The following AKT3 variants were observed in gnomAD, a reference collection of about 807,000 sequenced individuals.
The protein encoded by AKT3 is AKT serine/threonine kinase 3.
Under a neutral mutation model 65.3 loss-of-function variants are expected in AKT3, and 15 were observed. That is an observed-to-expected ratio of 0.23 (90% CI 0.15 to 0.35). The LOEUF is 0.35. Among genes scored for constraint, AKT3 ranks in the 10% least tolerant of loss-of-function variants. The probability of loss-of-function intolerance (pLI) is 1.00; values close to 1 mark genes in which losing one functional copy is unlikely to be tolerated. For missense variants in AKT3, 243 were observed against 576.5 expected, an observed-to-expected ratio of 0.42 and a Z score of 5.92; for synonymous variants, 206 against 183.8, an observed-to-expected ratio of 1.12 and a Z score of -0.98.
intron 12 of AKT3, among the ~76,000 whole-genome samples, chr1:243,521,995 T>C (rs1670746420): frequency 6.6e-6 from 1 of 152,204 alleles, no homozygotes. Flanking sequence ...TATTTGAAGA[T>C]CTCAGTTATA....
chr1:243,685,448 T>C (rs1684221789), intron 3 of AKT3, among the ~76,000 whole-genome samples: 1 of 152,144 alleles, frequency 6.6e-6, no homozygotes, highest in African/African-American at 2.4e-5. Flanking sequence ...CCTTTCCCCA[T>C]TGCTTGTTTT....
rs770364384 is a variant in AKT3 at position 243,766,571 on chromosome 1, G to A, written c.47-70855C>T. Among the ~76,000 whole-genome samples the A allele has an allele frequency of 2.0e-5, 3 of 152,086 alleles. 1 individual carries two copies. The highest frequency in any genetic ancestry group is 7.2e-5 in the African/African-American group (3 of 41,402). On this transcript the variant is annotated intron_variant, in intron 2 of 13. Coordinates refer to ENST00000673466, the MANE Select transcript of AKT3 (RefSeq NM_005465.7). Reference sequence around the variant, plus strand: ...AACATTACAATGTCTCATGTTCTATGGCACAAACATAAACAACCCCCAATC... The same window carrying A: ...AACATTACAATGTCTCATGTTCTATAGCACAAACATAAACAACCCCCAATC...
chr1:243,805,925 A>G (rs759154516), intron 2 of AKT3, among the ~76,000 whole-genome samples: 8 of 152,154 alleles, frequency 5.3e-5, no homozygotes, highest in Non-Finnish European at 1.0e-4. Flanking sequence ...ACACATACAA[A>G]AGGGTGAATA....
At chr1:243,807,147 T>C (rs1474296254) in intron 2 of AKT3, among the ~76,000 whole-genome samples, 1 of 152,128 alleles carries the variant, frequency 6.6e-6, no homozygotes, top group Non-Finnish European at 1.5e-5. Flanking sequence ...CCAAATGAGG[T>C]ACCAGGTTCA....
intron 11 of AKT3, among the ~76,000 whole-genome samples, chr1:243,551,973 A>G (rs1296926516): frequency 2.0e-5 from 3 of 152,110 alleles, no homozygotes; most frequent in Non-Finnish European, 1.5e-5. Context: ...TATGCATAGA[A>G]AAGATTATTT....
At chr1:243,684,385 CT>C (rs1354115662) in intron 3 of AKT3, among the ~76,000 whole-genome samples, 1 of 152,092 alleles carries the variant, frequency 6.6e-6, no homozygotes, top group Non-Finnish European at 1.5e-5. Flanking sequence ...TCAACTCCCA[CT>C]TATGAATGAG....
chr1:243,563,110 A>T (rs1197029303), intron 10 of AKT3, among the ~76,000 whole-genome samples: 1 of 152,154 alleles, frequency 6.6e-6, no homozygotes, highest in Admixed American at 6.5e-5. Flanking sequence ...TGAGACTAGG[A>T]TCCTTTTCTG....
chr1:243,638,362 T>C (rs948185459), intron 5 of AKT3, among the ~76,000 whole-genome samples: 1 of 152,188 alleles, frequency 6.6e-6, no homozygotes, highest in Non-Finnish European at 1.5e-5. Context: ...TTAATGTGCC[T>C]GTTTTCAGTT....
At chr1:243,716,800 CCT>C (rs1306841423) in intron 2 of AKT3, among the ~76,000 whole-genome samples, 2 of 152,148 alleles carry the variant, frequency 1.3e-5, no homozygotes, top group African/African-American at 2.4e-5. Context: ...AATATTTACC[CCT>C]GATACTTGTC....
At chr1:243,567,562 C>G (rs1448022090) in intron 9 of AKT3, among the ~76,000 whole-genome samples, 1 of 143,288 alleles carries the variant, frequency 7.0e-6, no homozygotes, top group Non-Finnish European at 1.5e-5. Context: ...CTCCTGAGTT[C>G]AAACAGTCCT....
In AKT3 at chr1:243,639,623, T is replaced by A. The variant is rs1572076913; in HGVS notation, c.430-1881A>T. Among the ~76,000 whole-genome samples, 3 of 152,152 alleles carry A rather than the reference T, an allele frequency of 2.0e-5. No homozygotes were observed. The South Asian group carries it at 6.2e-4, about 32-fold the overall frequency. On this transcript the variant is annotated intron_variant, in intron 5 of 13. Coordinates refer to ENST00000673466, the MANE Select transcript of AKT3 (RefSeq NM_005465.7). Reference sequence around the variant, plus strand: ...ATGACAGTTTACAAATGCCATGACATATCGGGAAGTTACCCTGTATGGTCT... The same window carrying A: ...ATGACAGTTTACAAATGCCATGACAAATCGGGAAGTTACCCTGTATGGTCT...
chr1:243,810,199 G>C (rs1693037273), intron 2 of AKT3, among the ~76,000 whole-genome samples: 1 of 152,100 alleles, frequency 6.6e-6, no homozygotes, highest in Non-Finnish European at 1.5e-5. Context: ...AGGAGATAGA[G>C]ACATAAAAAA....
At chr1:243,601,404 C>T (rs189739390) in intron 8 of AKT3, among the ~76,000 whole-genome samples, 1 of 152,138 alleles carries the variant, frequency 6.6e-6, no homozygotes, top group African/African-American at 2.4e-5. Flanking sequence ...ACTATACATC[C>T]ACCAGAATGA....
At chr1:243,782,078 T>C (rs1222117869) in intron 2 of AKT3, among the ~76,000 whole-genome samples, 1 of 152,156 alleles carries the variant, frequency 6.6e-6, no homozygotes, top group Non-Finnish European at 1.5e-5. Context: ...CACCTTAGCC[T>C]CTCAAGGTGC....
intron 10 of AKT3, among the ~76,000 whole-genome samples, chr1:243,554,598 G>A (rs1275020461): frequency 6.6e-6 from 1 of 152,152 alleles, no homozygotes; most frequent in African/African-American, 2.4e-5. Flanking sequence ...GACTTTTGAT[G>A]ATTCAAGGAT....
At chr1:243,545,733 G>T in intron 11 of AKT3, 136 bp from the exon 12 acceptor site, 2 of 605,726 alleles carry the variant, frequency 3.3e-6, no homozygotes, top group Non-Finnish European at 5.7e-6. Flanking sequence ...AAAGTAAAAA[G>T]CTTTTGCTAT....
chr1:243,775,719 T>G (rs1049278585), intron 2 of AKT3, among the ~76,000 whole-genome samples: 1 of 152,302 alleles, frequency 6.6e-6, no homozygotes, highest in African/African-American at 2.4e-5. Flanking sequence ...AGAAACTGAT[T>G]ATACTCTAAT....
chr1:243,640,313 T>C (rs973938674), intron 5 of AKT3, among the ~76,000 whole-genome samples: 16 of 152,204 alleles, frequency 1.1e-4, no homozygotes, highest in African/African-American at 3.9e-4. Context: ...CTATTTGTGC[T>C]AGGTAGTCTG....
chr1:243,610,132 C>T (rs1042482475), intron 8 of AKT3, among the ~76,000 whole-genome samples: 1 of 152,110 alleles, frequency 6.6e-6, no homozygotes, highest in Non-Finnish European at 1.5e-5. Context: ...AAAAAGATAT[C>T]CTCTCCTAAA....
Sources: allele counts gnomAD v4.1 joint callset (sites outside exome capture counted in the v4.1 genomes callset), GRCh38; gene constraint gnomAD v4.1.1; transcripts MANE v1.5; gene names NCBI Gene and HGNC (gene_info 2026-07-23, HGNC 2026-07-21).